SLC23A2: variants seen among roughly 807,000 people sequenced by gnomAD.
The protein encoded by SLC23A2 is solute carrier family 23 member 2, also known as Na(+)/L-ascorbic acid transporter 2.
SLC23A2 carries 36 observed loss-of-function variants against 73.3 expected under a neutral mutation model. The ratio of observed to expected loss-of-function variants is 0.49; its 90% CI spans 0.38 to 0.65. The LOEUF (loss-of-function observed/expected upper bound fraction) is 0.65. SLC23A2 is among the 30% of genes least tolerant of loss of function. The probability of loss-of-function intolerance (pLI) is 0.00; values close to 1 mark genes in which losing one functional copy is unlikely to be tolerated. For synonymous variants in SLC23A2, 343 were observed against 327.3 expected (o/e 1.05, Z -0.52); for missense variants, 507 against 841.6 (o/e 0.60, Z 4.92).
rs1929776382 is a variant in SLC23A2, at chr20:4,857,567, A to G, written c.1721-363T>C. Reference sequence around the variant, plus strand: ...GGCCATGTTATTGCTTTCCTGGTTCATTCTATCGGTCTCCCATCTGGTTAC... The same window carrying G: ...GGCCATGTTATTGCTTTCCTGGTTCGTTCTATCGGTCTCCCATCTGGTTAC... On this transcript the variant is annotated intron_variant, in intron 16 of 16. Transcript: ENST00000338244. The surrounding 1 kb of genome is among the most constrained non-coding windows in gnomAD (Gnocchi z 4.0). Among the ~76,000 whole-genome samples, 1 of 152,080 alleles carries G rather than the reference A, an allele frequency of 6.6e-6. No homozygotes were observed. The highest frequency in any genetic ancestry group is 2.1e-4 in the South Asian group (1 of 4,824).
At chr20:4,987,570 C>T (rs573033055) in intron 1 of SLC23A2, among the ~76,000 whole-genome samples, 4 of 152,282 alleles carry the variant, frequency 2.6e-5, no homozygotes, top group East Asian at 1.9e-4. Context: ...ACTATGTGGC[C>T]GGGCGCGGTG....
intron 3 of SLC23A2, among the ~76,000 whole-genome samples, chr20:4,929,852 G>A (rs1402314806): frequency 6.6e-6 from 1 of 152,206 alleles, no homozygotes; most frequent in Admixed American, 6.5e-5. Flanking sequence ...AGCAGCTAAA[G>A]AGAAATGAGG....
At chr20:4,982,727 T>C (rs1600200623) in intron 1 of SLC23A2, among the ~76,000 whole-genome samples, 1 of 151,998 alleles carries the variant, frequency 6.6e-6, no homozygotes, top group South Asian at 2.1e-4. Context: ...TAAACCTAAA[T>C]ATGTGATTTT....
At chr20:4,865,989 A>G (rs1211684069) in intron 13 of SLC23A2, among the ~76,000 whole-genome samples, 1 of 151,940 alleles carries the variant, frequency 6.6e-6, no homozygotes, top group Admixed American at 6.6e-5. Flanking sequence ...CCAGCCACCA[A>G]GCCTGGCTAA....
chr20:4,929,962 C>T (rs1352239401), intron 3 of SLC23A2, among the ~76,000 whole-genome samples: 1 of 152,106 alleles, frequency 6.6e-6, no homozygotes. Context: ...AGATGGTGAC[C>T]ATCCACAGAC....
At chr20:4,907,172 C>T (rs777049970) in intron 4 of SLC23A2, among the ~76,000 whole-genome samples, 7 of 152,210 alleles carry the variant, frequency 4.6e-5, no homozygotes, top group Non-Finnish European at 8.8e-5. Context: ...GGATACTCAT[C>T]TGCTTCCAGA....
intron 1 of SLC23A2, among the ~76,000 whole-genome samples, chr20:4,994,313 G>A (rs929905599): frequency 2.0e-5 from 3 of 151,992 alleles, no homozygotes; most frequent in Non-Finnish European, 4.4e-5. Flanking sequence ...GCACATTTTC[G>A]GGGTCCACCC....
At chr20:4,859,450 G>A (rs373274763) in intron 15 of SLC23A2, 66 bp from the exon 16 acceptor site, 1 of 1,030,274 alleles carries the variant, frequency 9.7e-7, no homozygotes, top group Non-Finnish European at 1.5e-6. Context: ...CTTGACTTGG[G>A]AAGGGGCAAT....
chr20:4,917,736 G>C (rs1932374383), intron 3 of SLC23A2, among the ~76,000 whole-genome samples: 1 of 152,160 alleles, frequency 6.6e-6, no homozygotes, highest in Admixed American at 6.5e-5. Flanking sequence ...TTGCCCAGCT[G>C]AGATGTAGCT....
At chr20:4,861,845 G>T in intron 15 of SLC23A2, 103 bp downstream of exon 15, 1 of 1,184,754 alleles carries the variant, frequency 8.4e-7, no homozygotes. Context: ...CTGCACCACA[G>T]CTCCTGGAGG....
intron 8 of SLC23A2, among the ~76,000 whole-genome samples, chr20:4,884,288 A>G (rs1931009050): frequency 6.6e-6 from 1 of 152,212 alleles, no homozygotes; most frequent in Non-Finnish European, 1.5e-5. Context: ...ACTGATGGTG[A>G]ATTATCTCAC....
chr20:4,871,148 C>T (rs973303845), intron 11 of SLC23A2, among the ~76,000 whole-genome samples: 4 of 152,176 alleles, frequency 2.6e-5, no homozygotes, highest in African/African-American at 9.7e-5. Context: ...AGTTATAATA[C>T]ACTCACTGAG....
chr20:4,951,236 A>G (rs2087197708), intron 2 of SLC23A2, among the ~76,000 whole-genome samples: 1 of 152,218 alleles, frequency 6.6e-6, no homozygotes, highest in Non-Finnish European at 1.5e-5. Context: ...TTAAAAGAGG[A>G]AACAAGATTG....
At chr20:4,916,758 C>T (rs1168296701) in intron 3 of SLC23A2, among the ~76,000 whole-genome samples, 1 of 152,118 alleles carries the variant, frequency 6.6e-6, no homozygotes, top group East Asian at 1.9e-4. Flanking sequence ...CTGTCAAGTA[C>T]CCATACAACC....
chr20:4,997,455 A>C (rs1008630874), intron 1 of SLC23A2, among the ~76,000 whole-genome samples: 4 of 151,974 alleles, frequency 2.6e-5, no homozygotes, highest in Admixed American at 6.6e-5. Context: ...ACACATCTTT[A>C]GTTAAAAATG....
chr20:4,930,161 T>C (rs141206323), intron 3 of SLC23A2, among the ~76,000 whole-genome samples: 2 of 152,216 alleles, frequency 1.3e-5, no homozygotes, highest in African/African-American at 4.8e-5. Flanking sequence ...GGTTGAGACA[T>C]GTTCAAGTTC....
At chr20:4,943,407 C>A (rs2087072512) in intron 2 of SLC23A2, among the ~76,000 whole-genome samples, 1 of 152,014 alleles carries the variant, frequency 6.6e-6, no homozygotes, top group African/African-American at 2.4e-5. Flanking sequence ...GTGGATCACA[C>A]CTGCAATCCC....
At chr20:4,952,474 T>C (rs777236166) in intron 2 of SLC23A2, among the ~76,000 whole-genome samples, 1 of 152,054 alleles carries the variant, frequency 6.6e-6, no homozygotes, top group Admixed American at 6.6e-5. Flanking sequence ...GCCCTTCATG[T>C]GTGAAAGCCA....
chr20:4,856,909 T>C lies in SLC23A2; in HGVS notation c.*63A>G. 2 of 1,023,554 alleles carry C rather than the reference T, an allele frequency of 2.0e-6. No homozygotes were observed. Among genetic ancestry groups the C allele is most frequent in the Non-Finnish European group, 3.0e-6 (2 of 664,678 alleles). 63.4% of individuals were successfully genotyped at this position (1,023,554 alleles called of 1,614,324 possible). A position where few individuals can be genotyped will look rare whatever the true frequency, so the allele number is the denominator to read the frequency against. ...ATACAAACATGTATTTTACTTCTTG[T>C]TACTCAGCAAGGAACTACAGATACA... On this transcript the variant is annotated 3_prime_UTR_variant, in exon 17 of 17. Coordinates refer to ENST00000338244, the MANE Select transcript of SLC23A2 (RefSeq NM_005116.6). This position sits in a 1 kb window ranked among gnomAD's most constrained non-coding sequence, Gnocchi z 4.6.
Sources: allele counts gnomAD v4.1 joint callset (sites outside exome capture counted in the v4.1 genomes callset), GRCh38; gene constraint gnomAD v4.1.1; non-coding constraint Gnocchi (gnomAD v3.1); transcripts MANE v1.5; gene names NCBI Gene and HGNC (gene_info 2026-07-23, HGNC 2026-07-21).